The following ZNF362 variants were observed in gnomAD, a reference collection of about 807,000 sequenced individuals.
ZNF362 encodes the protein zinc finger protein 362.
ZNF362 carries 11 observed loss-of-function variants against 42.9 expected under a neutral mutation model. The ratio of observed to expected loss-of-function variants is 0.26; its 90% CI spans 0.16 to 0.42. The LOEUF is 0.42. ZNF362 is among the 20% of genes least tolerant of loss of function. The pLI, the probability that ZNF362 is intolerant of heterozygous loss-of-function variation, is 1.00. For missense variants in ZNF362, 362 were observed against 576.2 expected (o/e 0.63, Z 3.81); for synonymous variants, 255 against 257.3 (o/e 0.99, Z 0.09).
the ZNF362 span, among the ~76,000 whole-genome samples, chr1:33,144,135 CTTTTTTT>C: frequency 5.6e-4 from 82 of 146,578 alleles, no homozygotes; most frequent in African/African-American, 2.0e-3. Context: ...AATGTTACTT[CTTTTTTT>C]TTTTTTTTTT....
At chr1:33,206,968 T>C in the ZNF362 span, among the ~76,000 whole-genome samples, 1 of 152,208 alleles carries the variant, frequency 6.6e-6, no homozygotes, top group Non-Finnish European at 1.5e-5. Context: ...TATAAAATTA[T>C]ACTTTAAGTT....
At chr1:33,225,685 A>T in the ZNF362 span, among the ~76,000 whole-genome samples, 1 of 152,162 alleles carries the variant, frequency 6.6e-6, no homozygotes, top group African/African-American at 2.4e-5. Flanking sequence ...TAGGAAACCC[A>T]ACTATAAGTG....
chr1:33,208,497 T>C, the ZNF362 span, among the ~76,000 whole-genome samples: 3 of 151,858 alleles, frequency 2.0e-5, no homozygotes, highest in Non-Finnish European at 4.4e-5. Context: ...GGGGATAGCA[T>C]TGAAACTATA....
chr1:33,154,887 A>T, the ZNF362 span, among the ~76,000 whole-genome samples: 5 of 151,418 alleles, frequency 3.3e-5, no homozygotes, highest in Non-Finnish European at 7.4e-5. Flanking sequence ...AGGTCAGGAG[A>T]TCGAGACCAT....
At chr1:33,144,433 C>T in the ZNF362 span, among the ~76,000 whole-genome samples, 36 of 152,170 alleles carry the variant, frequency 2.4e-4, no homozygotes, top group Non-Finnish European at 4.1e-4. Context: ...CCACTGCGCC[C>T]GGTGGCTTTA....
the ZNF362 span, among the ~76,000 whole-genome samples, chr1:33,188,311 A>G: frequency 6.6e-6 from 1 of 152,194 alleles, no homozygotes; most frequent in Non-Finnish European, 1.5e-5. Context: ...CTATGCCTTC[A>G]AGTGGTTATT....
chr1:33,147,390 C>T, the ZNF362 span: 79 of 1,614,170 alleles, frequency 4.9e-5, no homozygotes, highest in African/African-American at 1.6e-4. This position sits in a 1 kb window ranked among gnomAD's most constrained non-coding sequence, Gnocchi z 8.1. Flanking sequence ...CGTTAAGCCG[C>T]GTCCAGGGCT....
chr1:33,181,717 G>A, the ZNF362 span: 1 of 474,526 alleles, frequency 2.1e-6, no homozygotes, highest in South Asian at 2.4e-5. The surrounding 1 kb of genome is among the most constrained non-coding windows in gnomAD (Gnocchi z 6.5). Flanking sequence ...GCTGAGGGAC[G>A]GAGATCCTGA....
the ZNF362 span, among the ~76,000 whole-genome samples, chr1:33,190,912 T>C: frequency 6.6e-6 from 1 of 152,182 alleles, no homozygotes; most frequent in Non-Finnish European, 1.5e-5. Context: ...CAACGCTTCT[T>C]CACCCTGGCA....
intron 6 of ZNF362, chr1:33,282,094 T>C: frequency 2.2e-6 from 1 of 451,738 alleles, no homozygotes; most frequent in Non-Finnish European, 4.1e-6. Flanking sequence ...TCTCTCAGTC[T>C]AGCTTCCTCC....
At chr1:33,137,733 AC>A in the ZNF362 span, among the ~76,000 whole-genome samples, 2 of 151,954 alleles carry the variant, frequency 1.3e-5, no homozygotes, top group Admixed American at 1.3e-4. Flanking sequence ...GTGGCTCAGC[AC>A]CCTCCTTGGC....
chr1:33,128,843 C>T, the ZNF362 span, among the ~76,000 whole-genome samples: 1 of 152,170 alleles, frequency 6.6e-6, no homozygotes, highest in Admixed American at 6.5e-5. Flanking sequence ...AACTTCTGAA[C>T]ATGTTTCATT....
At chr1:33,177,795 C>T in the ZNF362 span, among the ~76,000 whole-genome samples, 9 of 152,100 alleles carry the variant, frequency 5.9e-5, no homozygotes, top group Admixed American at 1.3e-4. This position sits in a 1 kb window ranked among gnomAD's most constrained non-coding sequence, Gnocchi z 4.1. Context: ...ATGCCGAGTA[C>T]GATGTAACCT....
chr1:33,173,994 T>A, the ZNF362 span, among the ~76,000 whole-genome samples: 4 of 151,976 alleles, frequency 2.6e-5, no homozygotes, highest in East Asian at 7.8e-4. Flanking sequence ...CATAAGCCAC[T>A]GTGCTTAGCC....
At chr1:33,255,489 C>T (rs1295014547), upstream of ZNF362, among the ~76,000 whole-genome samples, 1 of 152,150 alleles carries the variant, frequency 6.6e-6, no homozygotes. Flanking sequence ...GAACCGGCTG[C>T]CTCCTCAGGT....
chr1:33,175,193 G>A, the ZNF362 span, among the ~76,000 whole-genome samples: 2 of 149,620 alleles, frequency 1.3e-5, no homozygotes, highest in Non-Finnish European at 2.9e-5. Flanking sequence ...TGTGTGCCAC[G>A]AATGCCCAGC....
At chr1:33,136,658 C>T in the ZNF362 span, among the ~76,000 whole-genome samples, 1 of 151,722 alleles carries the variant, frequency 6.6e-6, no homozygotes, top group South Asian at 2.1e-4. Context: ...GCCTGAGCCA[C>T]TGCGCCTGGC....
At position 33,295,362 on chromosome 1, in the gene ZNF362, T is replaced by G. The variant is rs1646113399; in HGVS notation, c.1146+57T>G. ...GGGGAGCCACTTCGTCTTCCAGGCC[T>G]CAGTTGCTTCCCCATTGTCAGATCT... On this transcript the variant is annotated intron_variant, in intron 8 of 8. Coordinates refer to ENST00000539719, the MANE Select transcript of ZNF362 (RefSeq NM_152493.3). The G allele has an allele frequency of 1.9e-6, 3 of 1,578,238 alleles. No homozygotes were observed. In the East Asian group the frequency reaches 6.9e-5, roughly 36 times the overall value.
At position 33,276,362 on chromosome 1, in the gene ZNF362, T is replaced by G; in HGVS notation, c.117T>G (p.Val39=). ...TCTTCCCGCAGCTGGACAACCTGGT[T>G]CTGATTAACAAGATCAAGGAGCAGC... ...PTMPSQLDNL[V]LINKIKEQLM... is the part of the protein sequence containing the mutation. Residue 39 remains valine, a synonymous_variant, in exon 4 of 9, where the codon GTT becomes GTG. Coordinates refer to ENST00000539719, the MANE Select transcript of ZNF362 (RefSeq NM_152493.3). 1 of 1,559,922 alleles carries G rather than the reference T, an allele frequency of 6.4e-7. No individual in the cohort carries two copies. Among genetic ancestry groups the G allele is most frequent in the Non-Finnish European group, 8.7e-7 (1 of 1,151,536 alleles).
Sources: allele counts gnomAD v4.1 joint callset (sites outside exome capture counted in the v4.1 genomes callset), GRCh38; gene constraint gnomAD v4.1.1; non-coding constraint Gnocchi (gnomAD v3.1); transcripts MANE v1.5; gene names NCBI Gene and HGNC (gene_info 2026-07-23, HGNC 2026-07-21).